Variants in PAX5 observed in about 807,000 individuals in gnomAD.
The protein encoded by PAX5 is paired box 5.
A neutral mutation model predicts 43.7 loss-of-function variants in PAX5; 9 were observed. That is an observed-to-expected ratio of 0.21 (90% CI 0.12 to 0.36). PAX5 has a LOEUF of 0.36. PAX5 is among the 10% of genes least tolerant of loss of function. The pLI, the probability that PAX5 is intolerant of heterozygous loss-of-function variation, is 1.00. For synonymous variants in PAX5, 228 were observed against 214.3 expected (o/e 1.06, Z -0.56); for missense variants, 383 against 532.7 (o/e 0.72, Z 2.77).
intron 6 of PAX5, among the ~76,000 whole-genome samples, chr9:36,939,560 C>G (rs1168389753): frequency 1.3e-5 from 2 of 152,198 alleles, no homozygotes; most frequent in African/African-American, 4.8e-5. Flanking sequence ...CATTTCCATT[C>G]CCTCTTTGTT....
chr9:36,937,847 A>G (rs1339015886), intron 6 of PAX5, among the ~76,000 whole-genome samples: 1 of 152,218 alleles, frequency 6.6e-6, no homozygotes, highest in Non-Finnish European at 1.5e-5. Context: ...CTCCCATTTA[A>G]TGCCAACATT....
chr9:36,864,869 G>A (rs982605117), intron 8 of PAX5, among the ~76,000 whole-genome samples: 4 of 152,186 alleles, frequency 2.6e-5, no homozygotes, highest in Non-Finnish European at 5.9e-5. Flanking sequence ...CAGAGACGAG[G>A]CCAGAGAGGC....
intron 8 of PAX5, among the ~76,000 whole-genome samples, chr9:36,869,016 C>T (rs1411419142): frequency 6.6e-6 from 1 of 152,234 alleles, no homozygotes. Context: ...AGAACACTCT[C>T]CTTTTGGAAG....
chr9:36,899,660 C>T (rs993022018), intron 7 of PAX5, among the ~76,000 whole-genome samples: 6 of 152,146 alleles, frequency 3.9e-5, no homozygotes, highest in African/African-American at 1.4e-4. Context: ...AGCCAACCCC[C>T]AGGACTACAG....
intron 6 of PAX5, among the ~76,000 whole-genome samples, chr9:36,956,146 G>A (rs1484639875): frequency 6.6e-6 from 1 of 152,094 alleles, no homozygotes; most frequent in Non-Finnish European, 1.5e-5. Flanking sequence ...CAGTATTTTG[G>A]CTGCATCAAT....
At chr9:36,907,971 G>T (rs150693256) in intron 7 of PAX5, among the ~76,000 whole-genome samples, 6 of 152,138 alleles carry the variant, frequency 3.9e-5, no homozygotes, top group Admixed American at 3.9e-4. Flanking sequence ...AGGTCAAGGT[G>T]GGAGGATTGC....
At chr9:36,904,877 T>G (rs1828692805) in intron 7 of PAX5, among the ~76,000 whole-genome samples, 1 of 152,238 alleles carries the variant, frequency 6.6e-6, no homozygotes, top group Admixed American at 6.5e-5. Context: ...CATACTATAT[T>G]CCAAGTCCCA....
At chr9:37,029,462 C>T (rs974668402) in intron 1 of PAX5, among the ~76,000 whole-genome samples, 1 of 152,238 alleles carries the variant, frequency 6.6e-6, no homozygotes, top group African/African-American at 2.4e-5. Context: ...CAGTGCGCGC[C>T]GGGGTGGAGT....
Position 36,835,404 on chromosome 9 carries a change from C to G in PAX5, c.*5156G>C, listed in dbSNP as rs1475884410. On this transcript the variant is annotated 3_prime_UTR_variant, in exon 10 of 10. Coordinates refer to ENST00000358127, the MANE Select transcript of PAX5 (RefSeq NM_016734.3). ...GCTGTTGCCTCATCAGGGGAGCAGG[C>G]AGGCAAGGGGCTCACAGCCTGGCCT... 1.3e-5 allele frequency: 3 copies of G among 232,676 alleles called. No homozygotes were observed. Among genetic ancestry groups the G allele is most frequent in the Non-Finnish European group, 2.5e-5 (3 of 117,746 alleles). 14.4% of individuals were successfully genotyped at this position (232,676 alleles called of 1,614,324 possible).
At chr9:36,907,812 C>T (rs1307932064) in intron 7 of PAX5, among the ~76,000 whole-genome samples, 3 of 152,302 alleles carry the variant, frequency 2.0e-5, no homozygotes, top group South Asian at 2.1e-4. Context: ...CATACCAAAT[C>T]GCCAACTCTG....
intron 8 of PAX5, among the ~76,000 whole-genome samples, chr9:36,854,744 G>A (rs1016889766): frequency 8.5e-5 from 13 of 152,264 alleles, no homozygotes; most frequent in African/African-American, 7.2e-5. Context: ...CCCGACAGCC[G>A]TGCATCGATC....
chr9:36,916,753 C>T lies in PAX5; in HGVS notation c.910+6602G>A, dbSNP rs532208068. Among the ~76,000 whole-genome samples the T allele has an allele frequency of 5.9e-5, 9 of 152,106 alleles. 1 individual carries two copies. The highest frequency in any genetic ancestry group is 9.6e-5 in the African/African-American group (4 of 41,496). On this transcript the variant is annotated intron_variant, in intron 7 of 9. Coordinates refer to ENST00000358127, the MANE Select transcript of PAX5 (RefSeq NM_016734.3). ...AGGCTGGAATGCAGTGGCGTGATCT[C>T]GGCTCATTGCCATCTCCATTTCCTA...
intron 2 of PAX5, 32 bp downstream of exon 2, chr9:37,020,604 G>A (rs760741773): frequency 6.2e-7 from 1 of 1,609,554 alleles, no homozygotes; most frequent in South Asian, 1.1e-5. Flanking sequence ...TTATTTGAAA[G>A]ATCAAGGGAA....
chr9:36,951,674 G>A (rs1833022972), intron 6 of PAX5, among the ~76,000 whole-genome samples: 1 of 151,882 alleles, frequency 6.6e-6, no homozygotes, highest in African/African-American at 2.4e-5. Context: ...TATTTATCTT[G>A]CAAATCCAAT....
intron 8 of PAX5, among the ~76,000 whole-genome samples, chr9:36,862,937 C>T (rs989608310): frequency 2.0e-5 from 3 of 152,234 alleles, no homozygotes; most frequent in African/African-American, 4.8e-5. Flanking sequence ...AGGGCAGGCA[C>T]GCAGGGAAGG....
intron 5 of PAX5, 146 bp from the exon 6 acceptor site, chr9:36,966,870 A>C: frequency 1.4e-6 from 1 of 698,090 alleles, no homozygotes; most frequent in Non-Finnish European, 2.4e-6. Context: ...CAGGTAAGGC[A>C]CTGCCTTTCC....
rs568210155 is a variant in PAX5 at position 36,837,251 on chromosome 9, G to A, written c.*3309C>T. Reference sequence around the variant, plus strand: ...TCCCCGTCTATAAAGTAGGCATCATGCTCTTTGCTCCACAGAGTGGTTGAG... The same window carrying A: ...TCCCCGTCTATAAAGTAGGCATCATACTCTTTGCTCCACAGAGTGGTTGAG... On this transcript the variant is annotated 3_prime_UTR_variant, in exon 10 of 10. Coordinates refer to ENST00000358127, the MANE Select transcript of PAX5 (RefSeq NM_016734.3). 3 of 233,174 alleles carry A rather than the reference G, an allele frequency of 1.3e-5. No homozygotes were observed. Among genetic ancestry groups the A allele is most frequent in the Non-Finnish European group, 1.7e-5 (2 of 117,976 alleles). The allele number at this position is 233,174 out of a possible 1,614,324, so 14.4% of individuals were successfully genotyped here. A position where few individuals can be genotyped will look rare whatever the true frequency, so the allele number is the denominator to read the frequency against.
chr9:36,931,753 G>A (rs1466219085), intron 6 of PAX5, among the ~76,000 whole-genome samples: 1 of 151,686 alleles, frequency 6.6e-6, no homozygotes, highest in Non-Finnish European at 1.5e-5. Context: ...GGAGGCTGAG[G>A]CAGGAGAATT....
At position 36,839,408 on chromosome 9, in the gene PAX5, G is replaced by A. The variant is rs558280656; in HGVS notation, c.*1152C>T. The A allele has an allele frequency of 8.6e-6, 2 of 233,748 alleles. No homozygotes were observed. Among genetic ancestry groups the A allele is most frequent in the African/African-American group, 2.2e-5 (1 of 45,494 alleles). The allele number at this position is 233,748 out of a possible 1,614,324, so 14.5% of individuals were successfully genotyped here. A position where few individuals can be genotyped will look rare whatever the true frequency, so the allele number is the denominator to read the frequency against. On this transcript the variant is annotated 3_prime_UTR_variant, in exon 10 of 10. Coordinates refer to ENST00000358127, the MANE Select transcript of PAX5 (RefSeq NM_016734.3). ...TGCCCAGCTGCCTGCTAAGCTCCAC[G>A]AGGACGGGGAGGGTCTGCCCCGAGA...
Sources: gnomAD v4.1 joint callset for allele counts (sites outside exome capture counted in the v4.1 genomes callset) on GRCh38, gnomAD v4.1.1 for gene constraint, MANE v1.5 for transcripts, NCBI Gene and HGNC (gene_info 2026-07-23, HGNC 2026-07-21) for gene names.